The following MAP2K5 variants were observed in gnomAD, a reference collection of about 807,000 sequenced individuals.
The protein encoded by MAP2K5 is dual specificity mitogen-activated protein kinase kinase 5.
In MAP2K5, 49 loss-of-function variants were observed where a neutral mutation model predicts 83.1. The observed-to-expected ratio is 0.59, with a 90% CI of 0.47 to 0.75. MAP2K5 has a LOEUF of 0.75. MAP2K5 is among the 30% of genes least tolerant of loss of function. MAP2K5 has a pLI of 0.00. For missense variants in MAP2K5, 457 were observed against 557.5 expected, an observed-to-expected ratio of 0.82 and a Z score of 1.82; for synonymous variants, 202 against 191.8, an observed-to-expected ratio of 1.05 and a Z score of -0.44.
chr15:67,801,317 G>T lies in MAP2K5; in HGVS notation c.1243-5329G>T. ...AGGGCAGTCACCTGATCACAGGGCT[G>T]CCCTGTCCCAACAGCAGCTTGTTGG... is the stretch of plus-strand genomic sequence containing the variant. On this transcript the variant is annotated intron_variant, in intron 21 of 21. Coordinates refer to ENST00000178640, the MANE Select transcript of MAP2K5 (RefSeq NM_145160.3). The surrounding 1 kb of genome is among the most constrained non-coding windows in gnomAD (Gnocchi z 4.8). Among the ~76,000 whole-genome samples the T allele has an allele frequency of 6.6e-6, 1 of 152,212 alleles. No individual in the cohort carries two copies. Among genetic ancestry groups the T allele is most frequent in the East Asian group, 1.9e-4 (1 of 5,188 alleles).
chr15:67,579,931 G>T (rs906582811), intron 3 of MAP2K5, among the ~76,000 whole-genome samples: 2 of 152,124 alleles, frequency 1.3e-5, no homozygotes, highest in Admixed American at 6.5e-5. Context: ...CATAAAATCA[G>T]CAGTTTTCAT....
intron 19 of MAP2K5, among the ~76,000 whole-genome samples, chr15:67,767,703 A>T (rs1596939847): frequency 6.6e-6 from 1 of 152,146 alleles, no homozygotes; most frequent in African/African-American, 2.4e-5. Context: ...CTTCAAACCG[A>T]TGGGACTTCT....
intron 16 of MAP2K5, among the ~76,000 whole-genome samples, chr15:67,711,585 G>A (rs1209557316): frequency 6.6e-6 from 1 of 152,144 alleles, no homozygotes; most frequent in African/African-American, 2.4e-5. Context: ...GGTTAAAGAT[G>A]GTGCAAGCTT....
intron 7 of MAP2K5, among the ~76,000 whole-genome samples, chr15:67,593,234 A>G (rs544706039): frequency 6.6e-6 from 1 of 152,328 alleles, no homozygotes; most frequent in East Asian, 1.9e-4. Context: ...AGTTCTGAAC[A>G]AGTGTGTCAA....
At chr15:67,756,429 G>A (rs1449695510) in intron 19 of MAP2K5, among the ~76,000 whole-genome samples, 1 of 151,794 alleles carries the variant, frequency 6.6e-6, no homozygotes. Context: ...TATATATAAG[G>A]TGTACAATGT....
chr15:67,612,226 A>G (rs578135833), intron 8 of MAP2K5, among the ~76,000 whole-genome samples: 4 of 151,952 alleles, frequency 2.6e-5, no homozygotes, highest in African/African-American at 9.6e-5. Flanking sequence ...GCTTTCTCCT[A>G]TCTATCATAT....
chr15:67,604,345 T>C (rs1191755241), intron 8 of MAP2K5, among the ~76,000 whole-genome samples: 1 of 152,258 alleles, frequency 6.6e-6, no homozygotes, highest in African/African-American at 2.4e-5. Flanking sequence ...GTATTTTCCT[T>C]GTTGCCTCAT....
intron 9 of MAP2K5, among the ~76,000 whole-genome samples, chr15:67,643,508 G>C (rs760351560): frequency 6.6e-6 from 1 of 152,086 alleles, no homozygotes; most frequent in South Asian, 2.1e-4. Context: ...GTGCAGTGGC[G>C]TGATCTCAGC....
chr15:67,731,869 C>T (rs1378628523), intron 17 of MAP2K5, among the ~76,000 whole-genome samples: 3 of 152,114 alleles, frequency 2.0e-5, no homozygotes, highest in Non-Finnish European at 2.9e-5. Context: ...CCTCTCTGCC[C>T]TAGGGAGGCC....
chr15:67,563,120 T>G lies in MAP2K5; in HGVS notation c.185-163T>G, dbSNP rs181232855. 2.0e-5 allele frequency among the ~76,000 whole-genome samples: 3 copies of G among 152,348 alleles called. No individual in the cohort carries two copies. Among genetic ancestry groups the G allele is most frequent in the Admixed American group, 6.5e-5 (1 of 15,300 alleles). The stretch of plus-strand genomic sequence containing the variant: ...GTTTTATATTGAGATTCTGATCATA[T>G]TCCAAATGGAAAACAAAACAACAAA... On this transcript the variant is annotated intron_variant, in intron 2 of 21. Transcript: ENST00000178640. This position sits in a 1 kb window ranked among gnomAD's most constrained non-coding sequence, Gnocchi z 4.5.
Position 67,721,315 on chromosome 15 carries a change from T to C in MAP2K5, c.1045-6601T>C, listed in dbSNP as rs548176163. On this transcript the variant is annotated intron_variant, in intron 16 of 21. Transcript: ENST00000178640. ...TATTTGTGCTACTGTTTGGGCTCCT[T>C]AAGTAAGTTTATATCAGTGGACTTT... 7.5e-4 allele frequency among the ~76,000 whole-genome samples: 113 copies of C among 150,572 alleles called. 1 individual carries two copies. Among genetic ancestry groups the C allele is most frequent in the African/African-American group, 2.7e-3 (110 of 41,426 alleles).
intron 19 of MAP2K5, among the ~76,000 whole-genome samples, chr15:67,754,502 G>A (rs1404085751): frequency 6.6e-6 from 1 of 152,158 alleles, no homozygotes; most frequent in Non-Finnish European, 1.5e-5. Flanking sequence ...ATAAATCCCT[G>A]TGCTGGATGA....
chr15:67,712,517 G>T (rs1378303945), intron 16 of MAP2K5, among the ~76,000 whole-genome samples: 1 of 152,214 alleles, frequency 6.6e-6, no homozygotes, highest in Non-Finnish European at 1.5e-5. Flanking sequence ...ACTACCAGTT[G>T]TATCCTCAGA....
chr15:67,627,356 T>C (rs2009314006), intron 8 of MAP2K5, among the ~76,000 whole-genome samples: 5 of 152,238 alleles, frequency 3.3e-5, no homozygotes, highest in Admixed American at 3.3e-4. Flanking sequence ...AAGTAAACAG[T>C]TGTCACCCGG....
chr15:67,765,179 T>G (rs951341626), intron 19 of MAP2K5, among the ~76,000 whole-genome samples: 1 of 152,156 alleles, frequency 6.6e-6, no homozygotes, highest in Admixed American at 6.5e-5. Flanking sequence ...GCCAACATGG[T>G]GAAACCCCGT....
chr15:67,788,834 A>G (rs760050083), intron 21 of MAP2K5, among the ~76,000 whole-genome samples: 17 of 151,974 alleles, frequency 1.1e-4, no homozygotes, highest in Non-Finnish European at 2.2e-4. Flanking sequence ...CTAGTTGGAC[A>G]TGGTGGCACT....
At chr15:67,789,251 C>G (rs1292975273) in intron 21 of MAP2K5, among the ~76,000 whole-genome samples, 1 of 151,978 alleles carries the variant, frequency 6.6e-6, no homozygotes, top group Non-Finnish European at 1.5e-5. Context: ...TATCCAGGAC[C>G]CTGTCATAGG....
In MAP2K5 at chr15:67,555,472, A is replaced by G. The variant is rs1420223811; in HGVS notation, c.184+5390A>G. 6.6e-6 allele frequency among the ~76,000 whole-genome samples: 1 copy of G among 152,202 alleles called. No homozygotes were observed. Among genetic ancestry groups the G allele is most frequent in the Non-Finnish European group, 1.5e-5 (1 of 68,028 alleles). On this transcript the variant is annotated intron_variant, in intron 2 of 21. Coordinates refer to ENST00000178640, the MANE Select transcript of MAP2K5 (RefSeq NM_145160.3). The surrounding 1 kb of genome is among the most constrained non-coding windows in gnomAD (Gnocchi z 5.2). ...TGGAGGGGACAAATATTCAAACCATATCATTGTGGAAATAAATTTGTAAGA... is the reference window on the plus strand; with the variant it reads ...TGGAGGGGACAAATATTCAAACCATGTCATTGTGGAAATAAATTTGTAAGA...
At chr15:67,664,506 A>AAG in intron 12 of MAP2K5, 91 bp from the exon 13 acceptor site, 1 of 844,964 alleles carries the variant, frequency 1.2e-6, no homozygotes, top group Non-Finnish European at 1.9e-6. Context: ...CTGTCTCAAA[A>AAG]AAAAAAAAAT....
Sources: allele counts gnomAD v4.1 joint callset (sites outside exome capture counted in the v4.1 genomes callset), GRCh38; gene constraint gnomAD v4.1.1; non-coding constraint Gnocchi (gnomAD v3.1); transcripts MANE v1.5; gene names NCBI Gene and HGNC (gene_info 2026-07-23, HGNC 2026-07-21).